The following WDR70 variants were observed in gnomAD, a reference collection of about 807,000 sequenced individuals.
WDR70 encodes WD repeat-containing protein 70.
In WDR70, 53 loss-of-function variants were observed where a neutral mutation model predicts 88.6. The ratio of observed to expected loss-of-function variants is 0.60; its 90% CI spans 0.48 to 0.75. The LOEUF is 0.75. Among genes scored for constraint, WDR70 ranks in the 30% least tolerant of loss-of-function variants. WDR70 has a pLI of 0.00. For missense variants in WDR70, 610 were observed against 823.2 expected, an observed-to-expected ratio of 0.74 and a Z score of 3.17; for synonymous variants, 280 against 270.0, an observed-to-expected ratio of 1.04 and a Z score of -0.36.
intron 3 of WDR70, among the ~76,000 whole-genome samples, chr5:37,388,413 G>A (rs1748696627): frequency 7.6e-6 from 1 of 130,808 alleles, no homozygotes; most frequent in South Asian, 2.8e-4. Context: ...ACCACGCCCA[G>A]CTGAAATACA....
intron 13 of WDR70, among the ~76,000 whole-genome samples, chr5:37,705,606 C>T (rs1022152162): frequency 1.3e-5 from 2 of 151,702 alleles, no homozygotes; most frequent in South Asian, 4.2e-4. Flanking sequence ...GTCCGTTTGA[C>T]CTATTGTCCC....
chr5:37,450,518 C>T (rs541881036), intron 7 of WDR70, among the ~76,000 whole-genome samples: 1 of 152,144 alleles, frequency 6.6e-6, no homozygotes, highest in Non-Finnish European at 1.5e-5. Context: ...TTATTCTAAC[C>T]TTCATGCTTT....
chr5:37,529,091 C>G (rs942535919), intron 9 of WDR70, among the ~76,000 whole-genome samples: 9 of 151,912 alleles, frequency 5.9e-5, no homozygotes, highest in Non-Finnish European at 1.3e-4. Context: ...CTTTTCCCCA[C>G]TCTATGTTTT....
chr5:37,681,445 G>A (rs1746433297), intron 10 of WDR70, among the ~76,000 whole-genome samples: 1 of 152,088 alleles, frequency 6.6e-6, no homozygotes, highest in African/African-American at 2.4e-5. Context: ...GATTCCTCTG[G>A]CCAGGACTTC....
At chr5:37,723,053 C>A in intron 15 of WDR70, 119 bp downstream of exon 15, 2 of 1,245,748 alleles carry the variant, frequency 1.6e-6, no homozygotes, top group Non-Finnish European at 2.3e-6. Context: ...ACAAAATTGC[C>A]CATTCATGTG....
chr5:37,530,931 TA>T (rs1741464035), intron 9 of WDR70, among the ~76,000 whole-genome samples: 1 of 152,168 alleles, frequency 6.6e-6, no homozygotes, highest in African/African-American at 2.4e-5. Flanking sequence ...TGTAGGCATT[TA>T]ATGCTATGAA....
chr5:37,688,565 T>C (rs2112631418), intron 10 of WDR70, among the ~76,000 whole-genome samples: 1 of 152,174 alleles, frequency 6.6e-6, no homozygotes, highest in East Asian at 1.9e-4. Context: ...ATTTAGAGTT[T>C]AGTAGTTGGT....
intron 5 of WDR70, among the ~76,000 whole-genome samples, chr5:37,406,049 A>C (rs1453664836): frequency 6.6e-6 from 1 of 152,214 alleles, no homozygotes; most frequent in Non-Finnish European, 1.5e-5. Flanking sequence ...TCTCAAAAAC[A>C]AAAAAGGATT....
At chr5:37,513,165 A>G (rs906601116) in intron 8 of WDR70, among the ~76,000 whole-genome samples, 2 of 152,210 alleles carry the variant, frequency 1.3e-5, no homozygotes, top group African/African-American at 4.8e-5. Context: ...AAAGTCAAAA[A>G]ATGAATAAAG....
chr5:37,452,267 ATTT>A (rs35672808), intron 7 of WDR70, among the ~76,000 whole-genome samples: 1 of 141,712 alleles, frequency 7.1e-6, no homozygotes, highest in African/African-American at 2.6e-5. Context: ...TTTGAGACTG[ATTT>A]TTTTTTTTTT....
At chr5:37,527,296 T>C (rs1286730042) in intron 9 of WDR70, among the ~76,000 whole-genome samples, 2 of 152,010 alleles carry the variant, frequency 1.3e-5, no homozygotes, top group Non-Finnish European at 2.9e-5. Context: ...TATAGACCAA[T>C]GGAACAAATC....
chr5:37,748,468 T>A (rs981733667), intron 17 of WDR70, among the ~76,000 whole-genome samples: 1 of 152,212 alleles, frequency 6.6e-6, no homozygotes, highest in Non-Finnish European at 1.5e-5. Context: ...TAACTCAAGA[T>A]GGATTAAAGA....
At chr5:37,438,085 T>A in intron 6 of WDR70, 104 bp downstream of exon 6, 1 of 933,860 alleles carries the variant, frequency 1.1e-6, no homozygotes, top group East Asian at 2.9e-5. Flanking sequence ...TACAATCAAC[T>A]GATGACATAA....
intron 8 of WDR70, among the ~76,000 whole-genome samples, chr5:37,484,364 C>G (rs1739787313): frequency 6.6e-6 from 1 of 152,204 alleles, no homozygotes; most frequent in African/African-American, 2.4e-5. Context: ...ACCAGCCTGG[C>G]CAACACAGCG....
intron 8 of WDR70, among the ~76,000 whole-genome samples, chr5:37,491,882 C>T (rs1306399302): frequency 6.6e-6 from 1 of 151,976 alleles, no homozygotes; most frequent in Non-Finnish European, 1.5e-5. Flanking sequence ...TATTTCTTTC[C>T]ATTTTCTAAA....
At chr5:37,677,722 G>C (rs1028742894) in intron 10 of WDR70, among the ~76,000 whole-genome samples, 10 of 152,274 alleles carry the variant, frequency 6.6e-5, no homozygotes, top group African/African-American at 2.2e-4. Context: ...TTTGATTTGG[G>C]GTGGAAATTC....
chr5:37,689,346 T>C (rs949551776), intron 10 of WDR70, among the ~76,000 whole-genome samples: 1 of 152,240 alleles, frequency 6.6e-6, no homozygotes, highest in Admixed American at 6.5e-5. Context: ...TCTCCCAGCA[T>C]GGCGTTTGAG....
At position 37,745,837 on chromosome 5, in the gene WDR70, C is replaced by G. The variant is rs1173935462; in HGVS notation, c.1878-6649C>G. On this transcript the variant is annotated intron_variant, in intron 17 of 17. Coordinates refer to ENST00000265107, the MANE Select transcript of WDR70 (RefSeq NM_018034.4). ...TCCCACACATTAATAGTGGGAGACT[C>G]TAACACTCCACTGTCAGTGTTAGAT... Among the ~76,000 whole-genome samples the G allele has an allele frequency of 4.6e-5, 7 of 152,220 alleles. No homozygotes were observed. In the East Asian group the frequency reaches 9.7e-4, roughly 21 times the overall value.
intron 10 of WDR70, among the ~76,000 whole-genome samples, chr5:37,607,522 C>T (rs4357062): frequency 0.58 from 87,426 of 151,896 alleles, 25,310 homozygotes; most frequent in African/African-American, 0.61. Context: ...ATTAATGATA[C>T]ATTTCTGTGT....
Sources: allele counts gnomAD v4.1 joint callset (sites outside exome capture counted in the v4.1 genomes callset), GRCh38; gene constraint gnomAD v4.1.1; transcripts MANE v1.5; gene names NCBI Gene and HGNC (gene_info 2026-07-23, HGNC 2026-07-21).